SPAG16: variants seen among roughly 807,000 people sequenced by gnomAD.
SPAG16 encodes the protein sperm associated antigen 16.
Under a neutral mutation model 80.4 loss-of-function variants are expected in SPAG16, and 86 were observed. That is an observed-to-expected ratio of 1.07 (90% CI 0.90 to 1.28). The LOEUF (loss-of-function observed/expected upper bound fraction) is 1.28. Among genes scored for constraint, SPAG16 ranks in the 50% most tolerant of loss-of-function variants. The pLI, the probability that SPAG16 is intolerant of heterozygous loss-of-function variation, is 0.00. For missense variants in SPAG16, 870 were observed against 765.3 expected, an observed-to-expected ratio of 1.14 and a Z score of -1.61; for synonymous variants, 294 against 265.9, an observed-to-expected ratio of 1.11 and a Z score of -1.03.
chr2:213,892,964 G>A (rs753554912), intron 11 of SPAG16, among the ~76,000 whole-genome samples: 6 of 152,010 alleles, frequency 3.9e-5, no homozygotes, highest in Non-Finnish European at 8.8e-5. Context: ...ACACATAGGC[G>A]AACAACATCA....
chr2:213,662,277 G>T (rs1376712143), intron 10 of SPAG16, among the ~76,000 whole-genome samples: 1 of 151,934 alleles, frequency 6.6e-6, no homozygotes, highest in Non-Finnish European at 1.5e-5. Flanking sequence ...AGGTGGGAGG[G>T]GTAGCTTAAG....
intron 9 of SPAG16, among the ~76,000 whole-genome samples, chr2:213,376,141 A>G (rs2066873512): frequency 6.6e-6 from 1 of 151,644 alleles, no homozygotes; most frequent in South Asian, 2.1e-4. Flanking sequence ...TATCATAATT[A>G]TAGATTATCG....
At chr2:214,059,381 C>A (rs149920337) in intron 13 of SPAG16, among the ~76,000 whole-genome samples, 1 of 150,178 alleles carries the variant, frequency 6.7e-6, no homozygotes. Flanking sequence ...CCATTTGTTA[C>A]CCTTTTCTTC....
intron 10 of SPAG16, among the ~76,000 whole-genome samples, chr2:213,703,236 T>C (rs2065578086): frequency 6.6e-6 from 1 of 152,138 alleles, no homozygotes; most frequent in Non-Finnish European, 1.5e-5. Flanking sequence ...TTGGGAATCA[T>C]TTGTTAGTGA....
intron 15 of SPAG16, among the ~76,000 whole-genome samples, chr2:214,180,872 T>A (rs7581545): frequency 1.3e-5 from 2 of 151,524 alleles, no homozygotes; most frequent in East Asian, 2.0e-4. Flanking sequence ...TGACCTTTAA[T>A]CTTTACCTAG....
At chr2:213,814,170 G>A (rs1027641968) in intron 10 of SPAG16, among the ~76,000 whole-genome samples, 3 of 152,186 alleles carry the variant, frequency 2.0e-5, no homozygotes, top group African/African-American at 7.2e-5. Context: ...TCATGTTACA[G>A]TCTTCAGTAC....
intron 4 of SPAG16, among the ~76,000 whole-genome samples, chr2:213,315,103 G>A (rs1166990981): frequency 6.6e-6 from 1 of 151,838 alleles, no homozygotes; most frequent in African/African-American, 2.4e-5. Flanking sequence ...CTCATCTAGA[G>A]TAAGCTTTGT....
intron 10 of SPAG16, among the ~76,000 whole-genome samples, chr2:213,674,470 G>A (rs1474753937): frequency 1.3e-5 from 2 of 151,024 alleles, no homozygotes; most frequent in Non-Finnish European, 2.9e-5. Context: ...TGACATGCTG[G>A]TGCGCTGCAC....
rs199857367 is a variant in SPAG16, at chr2:214,210,194, T to C, written c.1720+60928T>C. On this transcript the variant is annotated intron_variant, in intron 15 of 15. Transcript: ENST00000331683. ...ATCAGAAATATTTTTTAAGTATTCA[T>C]GAAAGACTGTGTTTTCAGATCCTTA... Among the ~76,000 whole-genome samples, 12 of 152,220 alleles carry C rather than the reference T, an allele frequency of 7.9e-5. No individual in the cohort carries two copies. The East Asian group carries it at 1.9e-3, about 25-fold the overall frequency.
intron 15 of SPAG16, among the ~76,000 whole-genome samples, chr2:214,176,947 C>T (rs2057106509): frequency 6.6e-6 from 1 of 150,858 alleles, no homozygotes; most frequent in Non-Finnish European, 1.5e-5. Flanking sequence ...TTATGCTAAG[C>T]TTTTTTTAAA....
intron 9 of SPAG16, among the ~76,000 whole-genome samples, chr2:213,461,487 A>G (rs2072358620): frequency 6.6e-6 from 1 of 152,182 alleles, no homozygotes; most frequent in Non-Finnish European, 1.5e-5. Flanking sequence ...TTGTCTGAGA[A>G]ATTTGTTAAG....
chr2:214,143,575 AT>A (rs1187604559), intron 14 of SPAG16, among the ~76,000 whole-genome samples: 1 of 152,134 alleles, frequency 6.6e-6, no homozygotes, highest in African/African-American at 2.4e-5. Context: ...TCACAAAAAC[AT>A]TTTTTTCTGA....
At chr2:213,507,046 C>A (rs905980024) in intron 10 of SPAG16, among the ~76,000 whole-genome samples, 1 of 152,152 alleles carries the variant, frequency 6.6e-6, no homozygotes, top group Non-Finnish European at 1.5e-5. Flanking sequence ...GTTGCATTGA[C>A]TAATCAAATT....
At chr2:214,044,223 G>A (rs2049187271) in intron 13 of SPAG16, among the ~76,000 whole-genome samples, 1 of 152,014 alleles carries the variant, frequency 6.6e-6, no homozygotes, top group East Asian at 1.9e-4. Flanking sequence ...AATTTATAAA[G>A]GACTAAGAAC....
chr2:214,233,085 T>C (rs1688812075), intron 15 of SPAG16, among the ~76,000 whole-genome samples: 2 of 152,004 alleles, frequency 1.3e-5, no homozygotes, highest in Non-Finnish European at 2.9e-5. Context: ...TTTTATATCA[T>C]TTAGAAGTAC....
intron 10 of SPAG16, among the ~76,000 whole-genome samples, chr2:213,748,911 G>A (rs1231529658): frequency 3.3e-5 from 5 of 152,236 alleles, no homozygotes; most frequent in African/African-American, 1.2e-4. Context: ...CACTTTGAGA[G>A]GCCTAGGCAG....
At chr2:213,307,305 C>T (rs1466989776) in intron 3 of SPAG16, among the ~76,000 whole-genome samples, 2 of 148,616 alleles carry the variant, frequency 1.3e-5, no homozygotes, top group African/African-American at 5.0e-5. Context: ...GCTGCACCCA[C>T]TAACTCGTCA....
intron 13 of SPAG16, among the ~76,000 whole-genome samples, chr2:214,026,815 A>C (rs1286328247): frequency 6.6e-6 from 1 of 151,552 alleles, no homozygotes; most frequent in East Asian, 1.9e-4. Context: ...GCCCTTAAAC[A>C]GACTCTTAAT....
chr2:214,147,749 T>G (rs1176100185), intron 14 of SPAG16, among the ~76,000 whole-genome samples: 3 of 152,184 alleles, frequency 2.0e-5, no homozygotes, highest in Non-Finnish European at 2.9e-5. Context: ...TCTCATTTAT[T>G]AGATTGGGGA....
Sources: gnomAD v4.1 joint callset for allele counts (sites outside exome capture counted in the v4.1 genomes callset) on GRCh38, gnomAD v4.1.1 for gene constraint, MANE v1.5 for transcripts, NCBI Gene and HGNC (gene_info 2026-07-23, HGNC 2026-07-21) for gene names.